Variants in ASIC2 observed in about 807,000 individuals in gnomAD.
The protein encoded by ASIC2 is acid sensing ion channel subunit 2.
ASIC2 carries 25 observed loss-of-function variants against 57.3 expected under a neutral mutation model. The observed-to-expected ratio is 0.44, with a 90% CI of 0.32 to 0.61. The LOEUF is 0.61. Ranked by LOEUF, ASIC2 falls within the 20% of genes least tolerant of loss-of-function variation. The pLI is 0.06. For missense variants in ASIC2, 641 were observed against 738.1 expected (o/e 0.87, Z 1.52); for synonymous variants, 319 against 307.5 (o/e 1.04, Z -0.39).
At chr17:34,151,117 A>AAT (rs1555535977) in intron 1 of ASIC2, among the ~76,000 whole-genome samples, 2 of 148,136 alleles carry the variant, frequency 1.4e-5, no homozygotes, top group African/African-American at 2.4e-5. Context: ...AAAAAAAAAA[A>AAT]AAAAAAAATA....
intron 1 of ASIC2, among the ~76,000 whole-genome samples, chr17:33,710,816 AG>A (rs1466357413): frequency 2.6e-5 from 4 of 152,184 alleles, no homozygotes; most frequent in South Asian, 4.1e-4. Flanking sequence ...TCATGTTATA[AG>A]GCTTTTTCCC....
intron 1 of ASIC2, among the ~76,000 whole-genome samples, chr17:33,476,864 C>T (rs7221386): frequency 0.046 from 6,976 of 152,082 alleles, 303 homozygotes; most frequent in East Asian, 0.13. Context: ...GTGGCATGCC[C>T]GTTCATGAGT....
intron 1 of ASIC2, among the ~76,000 whole-genome samples, chr17:33,809,066 TG>T (rs1428676825): frequency 5.9e-5 from 9 of 152,250 alleles, no homozygotes; most frequent in African/African-American, 2.2e-4. Flanking sequence ...CTGGGATCAG[TG>T]GGTTCATGGC....
intron 1 of ASIC2, among the ~76,000 whole-genome samples, chr17:33,231,016 A>G (rs997738008): frequency 1.3e-5 from 2 of 152,202 alleles, no homozygotes; most frequent in African/African-American, 4.8e-5. Flanking sequence ...TTTTCTGTTA[A>G]ACAGAGGAAG....
At chr17:33,820,155 T>A (rs966615259) in intron 1 of ASIC2, among the ~76,000 whole-genome samples, 1 of 152,226 alleles carries the variant, frequency 6.6e-6, no homozygotes, top group African/African-American at 2.4e-5. Flanking sequence ...CATCTCTTTT[T>A]AATTATATTT....
intron 1 of ASIC2, among the ~76,000 whole-genome samples, chr17:33,393,480 A>G (rs1462165135): frequency 6.6e-6 from 1 of 152,124 alleles, no homozygotes; most frequent in Non-Finnish European, 1.5e-5. Context: ...CCTGAGCCAT[A>G]GCAACTTTCC....
intron 3 of ASIC2, 100 bp downstream of exon 3, chr17:33,088,763 A>G (rs1313024658): frequency 2.1e-6 from 3 of 1,413,062 alleles, no homozygotes; most frequent in Non-Finnish European, 2.8e-6. Flanking sequence ...TTCACAGTAA[A>G]GCCCTTGACC....
intron 1 of ASIC2, among the ~76,000 whole-genome samples, chr17:33,269,417 C>T (rs1168236797): frequency 1.3e-5 from 2 of 152,100 alleles, no homozygotes; most frequent in Non-Finnish European, 2.9e-5. Flanking sequence ...GAAATGACAC[C>T]CCCATCAATA....
intron 1 of ASIC2, among the ~76,000 whole-genome samples, chr17:33,367,538 A>G (rs1351233764): frequency 6.6e-6 from 1 of 152,202 alleles, no homozygotes; most frequent in African/African-American, 2.4e-5. Context: ...TGCTGCCCAG[A>G]GTCTGCCTCC....
In ASIC2 at chr17:33,430,991, C is replaced by T. The variant is rs546174338; in HGVS notation, c.556-318924G>A. Among the ~76,000 whole-genome samples the T allele has an allele frequency of 7.9e-5, 12 of 152,172 alleles. No homozygotes were observed. In the East Asian group the frequency reaches 2.1e-3, roughly 27 times the overall value. On this transcript the variant is annotated intron_variant, in intron 1 of 9. Coordinates refer to the ASIC2 transcript ENST00000359872. ...GGACAAACCACTAAAGACCACAAGC[C>T]CTGCCTGGTCTCAGCATCTATGTGA...
chr17:33,441,266 G>T lies in ASIC2; in HGVS notation c.556-329199C>A, dbSNP rs565920572. ...ATTACAGGAATGAGCCACTGCACTG[G>T]ACTCATTTTCTTAATGATGCCTCTT... is the stretch of plus-strand genomic sequence containing the variant. On this transcript the variant is annotated intron_variant, in intron 1 of 9. Coordinates refer to the ASIC2 transcript ENST00000359872. 4.6e-5 allele frequency among the ~76,000 whole-genome samples: 7 copies of T among 152,186 alleles called. No homozygotes were observed. The South Asian group carries it at 6.2e-4, about 14-fold the overall frequency.
At chr17:34,048,404 G>C (rs1373096735) in intron 1 of ASIC2, among the ~76,000 whole-genome samples, 1 of 152,142 alleles carries the variant, frequency 6.6e-6, no homozygotes, top group Non-Finnish European at 1.5e-5. Flanking sequence ...GAACTCGGTA[G>C]CTTGCAAGGA....
In ASIC2 at chr17:34,039,520, T is replaced by C. The variant is rs1908022292; in HGVS notation, c.555+116458A>G. ...CTGTTCTACTCGTCGCGGTAAGGGA[T>C]TGGATAAGGAATGTTGCAGTGAGGA... On this transcript the variant is annotated intron_variant, in intron 1 of 9. Transcript: ENST00000359872. 3.1e-6 allele frequency: 5 copies of C among 1,613,830 alleles called. No homozygotes were observed. In the East Asian group the frequency reaches 8.9e-5, roughly 29 times the overall value.
Position 33,958,003 on chromosome 17 carries a change from A to G in ASIC2, c.555+197975T>C, listed in dbSNP as rs763659047. Among the ~76,000 whole-genome samples, 87 of 152,370 alleles carry G rather than the reference A, an allele frequency of 5.7e-4. 1 individual carries two copies. Among genetic ancestry groups the G allele is most frequent in the Admixed American group, 8.5e-4 (13 of 15,310 alleles). On this transcript the variant is annotated intron_variant, in intron 1 of 9. Transcript: ENST00000359872. ...AATTGGCCTAAACAAAAGGGGCTAC[A>G]GGCCCCATGCAAGTCCAAAATCTAA...
At chr17:33,030,166 A>G (rs2091876813) in intron 3 of ASIC2, among the ~76,000 whole-genome samples, 1 of 152,156 alleles carries the variant, frequency 6.6e-6, no homozygotes, top group Non-Finnish European at 1.5e-5. Context: ...ATCCATTTTA[A>G]TGTTCAATTT....
intron 1 of ASIC2, among the ~76,000 whole-genome samples, chr17:33,899,952 T>C (rs982333158): frequency 6.6e-6 from 1 of 152,218 alleles, no homozygotes; most frequent in Non-Finnish European, 1.5e-5. Flanking sequence ...GGTGATTGAA[T>C]GAGTAAATGG....
intron 1 of ASIC2, among the ~76,000 whole-genome samples, chr17:33,578,977 G>C (rs1208903070): frequency 6.6e-6 from 1 of 152,232 alleles, no homozygotes; most frequent in East Asian, 1.9e-4. Flanking sequence ...GGAGCACCTT[G>C]GAAGCGGTTA....
chr17:33,058,923 T>C (rs541947958), intron 3 of ASIC2, among the ~76,000 whole-genome samples: 2 of 152,314 alleles, frequency 1.3e-5, no homozygotes, highest in East Asian at 3.9e-4. Context: ...GTAAATTATA[T>C]GTCTGTTTGA....
intron 1 of ASIC2, among the ~76,000 whole-genome samples, chr17:34,095,617 ATATATATATATAATTT>A (rs1416191701): frequency 5.0e-5 from 4 of 80,666 alleles, no homozygotes; most frequent in African/African-American, 3.1e-4. Flanking sequence ...TTATATATAT[ATATATATATATAATTT>A]TATATATATA....
Sources: allele counts gnomAD v4.1 joint callset (sites outside exome capture counted in the v4.1 genomes callset), GRCh38; gene constraint gnomAD v4.1.1; transcripts MANE v1.5; gene names NCBI Gene and HGNC (gene_info 2026-07-23, HGNC 2026-07-21).